PRKCB: variants seen among roughly 807,000 people sequenced by gnomAD.
The protein encoded by PRKCB is protein kinase C beta, also known as protein kinase C beta type.
In PRKCB, 13 loss-of-function variants were observed where a neutral mutation model predicts 81.5. The ratio of observed to expected loss-of-function variants is 0.16; its 90% confidence interval spans 0.10 to 0.25. The LOEUF is 0.25. PRKCB is among the 10% of genes least tolerant of loss of function. The pLI, the probability that PRKCB is intolerant of heterozygous loss-of-function variation, is 1.00. For missense variants in PRKCB, 509 were observed against 875.7 expected, an observed-to-expected ratio of 0.58 and a Z score of 5.29; for synonymous variants, 335 against 321.4, an observed-to-expected ratio of 1.04 and a Z score of -0.45.
chr16:24,032,340 A>T, intron 4 of PRKCB, 93 bp downstream of exon 4: 1 of 824,506 alleles, frequency 1.2e-6, no homozygotes, highest in East Asian at 2.7e-5. Context: ...TCTGCCATAC[A>T]TTCCCCCCTG....
intron 2 of PRKCB, among the ~76,000 whole-genome samples, chr16:23,879,170 TC>T (rs1254741273): frequency 6.7e-6 from 1 of 149,764 alleles, no homozygotes; most frequent in Non-Finnish European, 1.5e-5. Flanking sequence ...AGAATGAGAC[TC>T]CATCTCAAAA....
chr16:23,846,586 G>A (rs1287971409), intron 2 of PRKCB, among the ~76,000 whole-genome samples: 1 of 127,728 alleles, frequency 7.8e-6, no homozygotes, highest in African/African-American at 2.9e-5. Context: ...CTCCAGCCTG[G>A]CGACAGAGCG....
At chr16:23,836,843 C>T (rs2141071229) in intron 1 of PRKCB, among the ~76,000 whole-genome samples, 1 of 151,622 alleles carries the variant, frequency 6.6e-6, no homozygotes, top group African/African-American at 2.4e-5. Flanking sequence ...TCCTCTGTGC[C>T]TCCGGGCAGC....
intron 3 of PRKCB, among the ~76,000 whole-genome samples, chr16:24,029,070 C>T (rs1436931556): frequency 2.6e-5 from 4 of 152,196 alleles, no homozygotes; most frequent in African/African-American, 7.2e-5. Flanking sequence ...GAATTACAGG[C>T]GTGAGCCACT....
Position 24,219,222 on chromosome 16 carries a change from G to C in PRKCB, c.*4406G>C, listed in dbSNP as rs973211008. On this transcript the variant is annotated 3_prime_UTR_variant, in exon 17 of 17. Coordinates refer to ENST00000643927, the MANE Select transcript of PRKCB (RefSeq NM_002738.7). ...AAAAAAGAAATGCCAGACTTACTAG[G>C]AGAATCGAGTTGCTTTGAGTTTCTT... The C allele has an allele frequency of 3.2e-6, 3 of 951,886 alleles. No individual in the cohort carries two copies. In the Admixed American group the frequency reaches 1.9e-4, roughly 62 times the overall value. 59.0% of individuals were successfully genotyped at this position (951,886 alleles called of 1,614,324 possible). A position where few individuals can be genotyped will look rare whatever the true frequency, so the allele number is the denominator to read the frequency against.
intron 16 of PRKCB, among the ~76,000 whole-genome samples, chr16:24,213,763 G>A (rs188477519): frequency 1.7e-4 from 26 of 152,346 alleles, no homozygotes; most frequent in Admixed American, 3.3e-4. Flanking sequence ...GTGGGAATTA[G>A]CATGTACAGG....
chr16:23,864,784 G>A (rs766983548), intron 2 of PRKCB, among the ~76,000 whole-genome samples: 6 of 152,046 alleles, frequency 3.9e-5, no homozygotes, highest in Non-Finnish European at 7.4e-5. Context: ...GTTTCGTTAC[G>A]TGGTTATGGA....
At chr16:23,996,324 A>G (rs922039619) in intron 3 of PRKCB, among the ~76,000 whole-genome samples, 1 of 152,230 alleles carries the variant, frequency 6.6e-6, no homozygotes, top group Admixed American at 6.5e-5. Flanking sequence ...CAATGGGCTC[A>G]TGAACAAAGT....
chr16:23,915,015 C>T (rs376629951), intron 2 of PRKCB, among the ~76,000 whole-genome samples: 42 of 152,304 alleles, frequency 2.8e-4, no homozygotes, highest in African/African-American at 9.9e-4. Context: ...CTCTGGGCAG[C>T]CTTTTCTGGC....
chr16:24,099,298 T>A (rs566851414), intron 7 of PRKCB: 1 of 152,382 alleles, frequency 6.6e-6, no homozygotes, highest in Non-Finnish European at 1.5e-5. Flanking sequence ...GAGAAGGGAC[T>A]CTATATGCTG....
At chr16:24,162,250 A>G (rs907850143) in intron 10 of PRKCB, among the ~76,000 whole-genome samples, 2 of 151,990 alleles carry the variant, frequency 1.3e-5, no homozygotes, top group Non-Finnish European at 2.9e-5. Flanking sequence ...AGAATGTCCC[A>G]GGGGTCCTGG....
intron 2 of PRKCB, among the ~76,000 whole-genome samples, chr16:23,862,667 C>T (rs188641091): frequency 6.6e-6 from 1 of 152,234 alleles, no homozygotes; most frequent in East Asian, 1.9e-4. Flanking sequence ...CTTGCTTGCC[C>T]ATAACAGAAA....
intron 3 of PRKCB, among the ~76,000 whole-genome samples, chr16:24,017,957 G>A (rs1228524493): frequency 3.4e-5 from 5 of 148,588 alleles, no homozygotes; most frequent in Admixed American, 6.7e-5. Context: ...GGAGTGCAGC[G>A]GTGCAATCTC....
chr16:23,982,190 T>C (rs1430999878), intron 2 of PRKCB, among the ~76,000 whole-genome samples: 26 of 5,210 alleles, frequency 5.0e-3, no homozygotes, highest in East Asian at 6.4e-3. Flanking sequence ...TTTCCCTTCC[T>C]CTTCCCTTCC....
chr16:24,161,144 G>T lies in PRKCB; in HGVS notation c.1239+6287G>T, dbSNP rs556049672. Among the ~76,000 whole-genome samples, 18 of 152,110 alleles carry T rather than the reference G, an allele frequency of 1.2e-4. No homozygotes were observed. In the South Asian group the frequency reaches 3.7e-3, roughly 32 times the overall value. The stretch of plus-strand genomic sequence containing the variant: ...AATCTCAAAAGTGGCCAAAATACTG[G>T]ATAAAAGTGAAAGAGACAACCAGCA... On this transcript the variant is annotated intron_variant, in intron 10 of 16. Coordinates refer to ENST00000643927, the MANE Select transcript of PRKCB (RefSeq NM_002738.7).
intron 9 of PRKCB, among the ~76,000 whole-genome samples, chr16:24,126,044 T>C (rs1966843721): frequency 6.6e-6 from 1 of 152,108 alleles, no homozygotes; most frequent in South Asian, 2.1e-4. Flanking sequence ...TAGAAGATTA[T>C]GGAAGAAAGA....
chr16:24,029,542 T>C (rs1965524677), intron 3 of PRKCB, among the ~76,000 whole-genome samples: 1 of 152,262 alleles, frequency 6.6e-6, no homozygotes, highest in South Asian at 2.1e-4. Context: ...TTAAATCTCT[T>C]TCCTTTGTAA....
intron 5 of PRKCB, among the ~76,000 whole-genome samples, chr16:24,080,898 C>G (rs1391163142): frequency 1.3e-5 from 2 of 152,072 alleles, no homozygotes; most frequent in African/African-American, 4.8e-5. Context: ...TGAAATAATA[C>G]TGATTCTCCT....
Position 24,220,107 on chromosome 16 carries a change from T to C in PRKCB, c.*5291T>C, listed in dbSNP as rs1389265636. 3.7e-6 allele frequency: 6 copies of C among 1,613,976 alleles called. No homozygotes were observed. Among genetic ancestry groups the C allele is most frequent in the Middle Eastern group, 1.6e-4 (1 of 6,084 alleles). On this transcript the variant is annotated 3_prime_UTR_variant, in exon 17 of 17. Transcript: ENST00000643927. ...ATACTAACCCAGAGTTTGTCATTAA[T>C]GTGTAGGTGAATGCAAACTCCATCG...
Sources: gnomAD v4.1 joint callset for allele counts (sites outside exome capture counted in the v4.1 genomes callset) on GRCh38, gnomAD v4.1.1 for gene constraint, MANE v1.5 for transcripts, NCBI Gene and HGNC (gene_info 2026-07-23, HGNC 2026-07-21) for gene names.